QRICH1: variants seen among roughly 807,000 people sequenced by gnomAD.
QRICH1 encodes glutamine rich 1.
Under a neutral mutation model 87.1 loss-of-function variants are expected in QRICH1, and 16 were observed. The observed-to-expected ratio is 0.18, with a 90% CI of 0.12 to 0.28. The LOEUF is 0.28. Ranked by LOEUF, QRICH1 falls within the 10% of genes least tolerant of loss-of-function variation. The pLI, the probability that QRICH1 is intolerant of heterozygous loss-of-function variation, is 1.00. For synonymous variants in QRICH1, 367 were observed against 368.4 expected, an observed-to-expected ratio of 1.00 and a Z score of 0.05; for missense variants, 647 against 951.7, an observed-to-expected ratio of 0.68 and a Z score of 4.21.
intron 1 of QRICH1, among the ~76,000 whole-genome samples, chr3:49,090,979 T>C (rs1164871815): frequency 6.6e-6 from 1 of 152,092 alleles, no homozygotes; most frequent in African/African-American, 2.4e-5. Flanking sequence ...TCCCAGCACT[T>C]TGGGAGGCCA....
chr3:49,036,978 C>T (rs988587395), intron 6 of QRICH1, among the ~76,000 whole-genome samples: 1 of 149,284 alleles, frequency 6.7e-6, no homozygotes, highest in African/African-American at 2.5e-5. Flanking sequence ...GTGGGAGGAT[C>T]GCTTGGGCCC....
intron 5 of QRICH1, 22 bp from the exon 6 acceptor site, chr3:49,044,526 G>C (rs138411768): frequency 1.3e-6 from 2 of 1,496,730 alleles, no homozygotes; most frequent in Non-Finnish European, 9.3e-7. Context: ...ACAATTAATA[G>C]AAGTTATTGG....
At chr3:49,088,693 A>C (rs2042217682) in intron 1 of QRICH1, among the ~76,000 whole-genome samples, 1 of 145,716 alleles carries the variant, frequency 6.9e-6, no homozygotes, top group East Asian at 2.0e-4. Flanking sequence ...TGGTGCATTC[A>C]TAGATCCCTG....
intron 1 of QRICH1, among the ~76,000 whole-genome samples, chr3:49,084,774 A>C (rs1039790234): frequency 2.0e-5 from 3 of 151,802 alleles, no homozygotes; most frequent in Non-Finnish European, 4.4e-5. Context: ...AAAAATGATA[A>C]AAAGGAATGC....
At chr3:49,037,405 T>A (rs1357332512) in intron 6 of QRICH1, among the ~76,000 whole-genome samples, 1 of 152,136 alleles carries the variant, frequency 6.6e-6, no homozygotes, top group Non-Finnish European at 1.5e-5. Context: ...GAATATACTG[T>A]AAGACAAAAG....
At chr3:49,047,331 G>C (rs1050717623) in intron 3 of QRICH1, 85 bp from the exon 4 acceptor site, 1 of 1,264,742 alleles carries the variant, frequency 7.9e-7, no homozygotes, top group African/African-American at 1.5e-5. Flanking sequence ...GTTATGTATA[G>C]TTCATTTATT....
chr3:49,047,362 C>T (rs1381357980), intron 3 of QRICH1, 116 bp from the exon 4 acceptor site: 2 of 989,108 alleles, frequency 2.0e-6, no homozygotes, highest in East Asian at 5.2e-5. Context: ...TTTCTCTACT[C>T]ATTGCTGTCC....
At chr3:49,087,477 G>A (rs764033997) in intron 1 of QRICH1, among the ~76,000 whole-genome samples, 7 of 151,474 alleles carry the variant, frequency 4.6e-5, no homozygotes, top group Non-Finnish European at 1.0e-4. Flanking sequence ...CCCGGGAGGC[G>A]AAGGTTGCAG....
At chr3:49,054,089 T>C (rs1416243307) in intron 3 of QRICH1, among the ~76,000 whole-genome samples, 3 of 152,164 alleles carry the variant, frequency 2.0e-5, no homozygotes, top group South Asian at 2.1e-4. Context: ...AATAACTTCA[T>C]GTAAATCACT....
chr3:49,050,434 A>G (rs1307282654), intron 3 of QRICH1, among the ~76,000 whole-genome samples: 1 of 140,952 alleles, frequency 7.1e-6, no homozygotes. Flanking sequence ...AAAAAAAAAA[A>G]AAAAAAAAAA....
Position 49,057,732 on chromosome 3 carries a change from C to A in QRICH1, c.468G>T (p.Leu156=). Residue 156 remains leucine, a synonymous_variant, in exon 3 of 10, where the codon CTG becomes CTT. Coordinates refer to ENST00000395443, the MANE Select transcript of QRICH1 (RefSeq NM_198880.3). The surrounding 1 kb of genome is among the most constrained non-coding windows in gnomAD (Gnocchi z 5.4). ...GCAGCTGCGAGGGACTGGGACTCTG[C>A]AGAGACGGGGTCTGAATGGAGGGGG... ...SAAPSIQTPS[L]QSPSPSQLQA... 1.2e-6 allele frequency: 2 copies of A among 1,614,172 alleles called. No individual in the cohort carries two copies. The highest frequency in any genetic ancestry group is 1.7e-6 in the Non-Finnish European group (2 of 1,180,040).
At chr3:49,078,490 G>A (rs888432615) in intron 1 of QRICH1, among the ~76,000 whole-genome samples, 3 of 146,396 alleles carry the variant, frequency 2.0e-5, no homozygotes, top group Non-Finnish European at 3.0e-5. Context: ...CACCTCCTGG[G>A]TTCACACCAT....
At chr3:49,065,293 T>C (rs569188734) in intron 2 of QRICH1, among the ~76,000 whole-genome samples, 1 of 151,912 alleles carries the variant, frequency 6.6e-6, no homozygotes, top group African/African-American at 2.4e-5. Flanking sequence ...AACAGGGGCA[T>C]GCCACCATGT....
At chr3:49,076,618 C>T in intron 2 of QRICH1, 91 bp downstream of exon 2, 1 of 1,189,140 alleles carries the variant, frequency 8.4e-7, no homozygotes, top group Non-Finnish European at 1.1e-6. Flanking sequence ...TAACCTATAA[C>T]ATCCACATAG....
Position 49,030,349 on chromosome 3 carries a change from C to T in QRICH1, c.*103G>A, listed in dbSNP as rs1303954711. The T allele has an allele frequency of 4.4e-6, 5 of 1,134,846 alleles. No homozygotes were observed. The Admixed American group carries it at 1.4e-4, about 31-fold the overall frequency. The allele number at this position is 1,134,846 out of a possible 1,614,324, so 70.3% of individuals were successfully genotyped here. A position where few individuals can be genotyped will look rare whatever the true frequency, so the allele number is the denominator to read the frequency against. ...AGCAGCCTGAAAGGCTTCGTAACTA[C>T]ACCAATAAAAAAAAGAAAAAAAAAA... On this transcript the variant is annotated 3_prime_UTR_variant, in exon 10 of 10. Coordinates refer to ENST00000395443, the MANE Select transcript of QRICH1 (RefSeq NM_198880.3).
rs945905263 is a variant in QRICH1 at position 49,038,084 on chromosome 3, CAG to C, written c.1787-4858_1787-4857del. On this transcript the variant is annotated intron_variant, in intron 6 of 9. Transcript: ENST00000395443. The stretch of plus-strand genomic sequence containing the variant: ...AAGGGTAGATTTTTTTTTTTTAAAA[CAG>C]AGTCTCGGTCTGTTGCCCAGGCTAG... Among the ~76,000 whole-genome samples the C allele has an allele frequency of 8.0e-5, 12 of 149,414 alleles. 2 individuals carry two copies. The highest frequency in any genetic ancestry group is 2.7e-4 in the African/African-American group (11 of 40,672).
At chr3:49,079,687 T>G (rs1351477059) in intron 1 of QRICH1, among the ~76,000 whole-genome samples, 1 of 152,106 alleles carries the variant, frequency 6.6e-6, no homozygotes, top group Non-Finnish European at 1.5e-5. Flanking sequence ...TTGCACAGAA[T>G]GTATCAAAGT....
At chr3:49,064,408 T>G (rs1575357688) in intron 2 of QRICH1, among the ~76,000 whole-genome samples, 1 of 151,698 alleles carries the variant, frequency 6.6e-6, no homozygotes, top group South Asian at 2.1e-4. Context: ...TGCCTGGCTG[T>G]TTTTTTGTTT....
At chr3:49,071,050 C>G (rs1207072648) in intron 2 of QRICH1, among the ~76,000 whole-genome samples, 2 of 137,268 alleles carry the variant, frequency 1.5e-5, no homozygotes, top group Admixed American at 1.6e-4. Context: ...AAAAACACTC[C>G]AAACTTAAAT....
Sources: allele counts gnomAD v4.1 joint callset (sites outside exome capture counted in the v4.1 genomes callset), GRCh38; gene constraint gnomAD v4.1.1; non-coding constraint Gnocchi (gnomAD v3.1); transcripts MANE v1.5; gene names NCBI Gene and HGNC (gene_info 2026-07-23, HGNC 2026-07-21).